Variants in EBF1 observed in about 807,000 individuals in gnomAD.
EBF1 encodes EBF transcription factor 1, also known as transcription factor COE1.
In EBF1, 10 loss-of-function variants were observed where a neutral mutation model predicts 68.4. That is an observed-to-expected ratio of 0.15 (90% CI 0.09 to 0.25). EBF1 has a LOEUF of 0.25. EBF1 is among the 10% of genes least tolerant of loss of function. The probability of loss-of-function intolerance (pLI) is 1.00; values close to 1 mark genes in which losing one functional copy is unlikely to be tolerated. For synonymous variants in EBF1, 298 were observed against 299.8 expected, an observed-to-expected ratio of 0.99 and a Z score of 0.06; for missense variants, 509 against 794.4, an observed-to-expected ratio of 0.64 and a Z score of 4.32.
rs151082732 is a variant in EBF1, at chr5:158,991,312, C to T, written c.554+82084G>A. Among the ~76,000 whole-genome samples, 558 of 152,022 alleles carry T rather than the reference C, an allele frequency of 3.7e-3. 1 individual carries two copies. The highest frequency in any genetic ancestry group is 4.6e-3 in the Non-Finnish European group (314 of 67,902). On this transcript the variant is annotated intron_variant, in intron 6 of 15. Transcript: ENST00000313708. ...CCATTGTTTCATGAATTTCAGACTG[C>T]AATATTTTTCATATTCATTCTAGCA... is the stretch of plus-strand genomic sequence containing the variant.
At chr5:158,812,716 C>T (rs1782917055) in intron 8 of EBF1, among the ~76,000 whole-genome samples, 2 of 152,120 alleles carry the variant, frequency 1.3e-5, no homozygotes, top group Admixed American at 1.3e-4. Flanking sequence ...CCCTTGACAA[C>T]ACAATGTCAG....
Position 158,731,131 on chromosome 5 carries a change from C to T in EBF1, c.1063G>A (p.Gly355Ser). The T allele has an allele frequency of 6.2e-7, 1 of 1,614,050 alleles. No individual in the cohort carries two copies. The highest frequency in any genetic ancestry group is 8.5e-7 in the Non-Finnish European group (1 of 1,179,948). Residue 355 changes from glycine to serine, a missense_variant, in exon 11 of 16, where the codon GGT (glycine) becomes AGT (serine). This residue lies in a region of EBF1 where 230 missense variants were observed against 467.7 expected (regional missense o/e 0.49). Coordinates refer to ENST00000313708, the MANE Select transcript of EBF1 (RefSeq NM_024007.5). ...TALNEPTIDYGFQRLQKVIPR... is the reference protein window; with the variant it reads ...TALNEPTIDYSFQRLQKVIPR... Reference sequence around the variant, plus strand: ...ATGACCTTCTGTAACCTCTGGAAACCATAATCGATGGTGGGTTCGTTGAGC... The same window carrying T: ...ATGACCTTCTGTAACCTCTGGAAACTATAATCGATGGTGGGTTCGTTGAGC...
chr5:158,888,269 T>C (rs1425074473), intron 6 of EBF1, among the ~76,000 whole-genome samples: 10 of 151,424 alleles, frequency 6.6e-5, no homozygotes, highest in Non-Finnish European at 1.5e-4. Context: ...TGTGTGTGTG[T>C]GCGTGCGTGT....
intron 6 of EBF1, among the ~76,000 whole-genome samples, chr5:159,017,792 T>C (rs1765904031): frequency 6.6e-6 from 1 of 152,186 alleles, no homozygotes; most frequent in Non-Finnish European, 1.5e-5. Flanking sequence ...GCTATTTACT[T>C]TGTTTTTCAA....
intron 6 of EBF1, among the ~76,000 whole-genome samples, chr5:159,073,194 G>A (rs1778138569): frequency 2.0e-5 from 3 of 152,128 alleles, no homozygotes; most frequent in South Asian, 4.1e-4. Flanking sequence ...GACAAAAACC[G>A]GAGCAATCCA....
At chr5:158,865,207 A>G (rs1359935873) in intron 6 of EBF1, among the ~76,000 whole-genome samples, 1 of 152,132 alleles carries the variant, frequency 6.6e-6, no homozygotes, top group Non-Finnish European at 1.5e-5. Context: ...ACCCTTTTCC[A>G]AATACTCTCT....
At chr5:158,757,485 G>A (rs187920870) in intron 10 of EBF1, among the ~76,000 whole-genome samples, 41 of 152,278 alleles carry the variant, frequency 2.7e-4, no homozygotes, top group African/African-American at 8.4e-4. Flanking sequence ...CATTATGTAC[G>A]TGGTATCTCC....
At chr5:159,095,738 A>G in intron 3 of EBF1, 63 bp from the exon 4 acceptor site, 2 of 1,547,626 alleles carry the variant, frequency 1.3e-6, no homozygotes, top group Non-Finnish European at 1.8e-6. Flanking sequence ...GTGGGTGGAC[A>G]ATAATTAACA....
At chr5:158,924,097 T>C (rs955843435) in intron 6 of EBF1, among the ~76,000 whole-genome samples, 9 of 152,222 alleles carry the variant, frequency 5.9e-5, no homozygotes, top group Admixed American at 5.2e-4. Flanking sequence ...TCTAACTTTT[T>C]ATCCCCTAGC....
intron 7 of EBF1, among the ~76,000 whole-genome samples, chr5:158,824,136 A>T (rs1188850598): frequency 6.6e-6 from 1 of 152,240 alleles, no homozygotes; most frequent in Non-Finnish European, 1.5e-5. Context: ...TGAAACCCAC[A>T]GAGATATGTT....
intron 6 of EBF1, among the ~76,000 whole-genome samples, chr5:158,931,570 CTTAAT>C (rs748397531): frequency 6.6e-6 from 1 of 152,156 alleles, no homozygotes; most frequent in Non-Finnish European, 1.5e-5. Context: ...CAAACTTTGA[CTTAAT>C]TTGTCATTTT....
At chr5:158,930,898 A>C (rs575397568) in intron 6 of EBF1, among the ~76,000 whole-genome samples, 107 of 151,942 alleles carry the variant, frequency 7.0e-4, no homozygotes, top group African/African-American at 2.4e-3. Context: ...AAAAAAAAAA[A>C]CACATTTTCA....
chr5:158,762,392 C>T (rs1046578555), intron 10 of EBF1, among the ~76,000 whole-genome samples: 5 of 152,192 alleles, frequency 3.3e-5, no homozygotes, highest in African/African-American at 1.2e-4. Flanking sequence ...CAATGGACAA[C>T]TGGCCCTTTT....
In EBF1 at chr5:159,014,240, T is replaced by C. The variant is rs545667664; in HGVS notation, c.554+59156A>G. Among the ~76,000 whole-genome samples the C allele has an allele frequency of 3.9e-5, 6 of 152,316 alleles. No homozygotes were observed. The East Asian group carries it at 1.2e-3, about 29-fold the overall frequency. Reference sequence around the variant, plus strand: ...CTAAAGTTACATGGCAGGCAGAAGATTCCAAAGTATTATTTAATAGTGAAA... The same window carrying C: ...CTAAAGTTACATGGCAGGCAGAAGACTCCAAAGTATTATTTAATAGTGAAA... On this transcript the variant is annotated intron_variant, in intron 6 of 15. Transcript: ENST00000313708.
At chr5:159,059,215 A>G (rs781281906) in intron 6 of EBF1, among the ~76,000 whole-genome samples, 3 of 152,202 alleles carry the variant, frequency 2.0e-5, no homozygotes, top group Non-Finnish European at 2.9e-5. Context: ...AAACAGACAT[A>G]TAATATAACA....
chr5:159,038,691 G>T (rs529806858), intron 6 of EBF1, among the ~76,000 whole-genome samples: 24 of 152,076 alleles, frequency 1.6e-4, no homozygotes, highest in Non-Finnish European at 2.5e-4. Flanking sequence ...TAATATTTGC[G>T]CTGTTTTGGG....
chr5:158,754,678 G>A (rs1188314978), intron 10 of EBF1, among the ~76,000 whole-genome samples: 3 of 151,968 alleles, frequency 2.0e-5, no homozygotes, highest in Admixed American at 6.6e-5. Flanking sequence ...ATATCAGATT[G>A]GATTTTTTTC....
chr5:158,857,704 A>G (rs1794302792), intron 6 of EBF1, among the ~76,000 whole-genome samples: 1 of 152,110 alleles, frequency 6.6e-6, no homozygotes, highest in Non-Finnish European at 1.5e-5. Context: ...GGAGACGGGG[A>G]AAAAATCCAT....
intron 10 of EBF1, among the ~76,000 whole-genome samples, chr5:158,760,242 T>G (rs1771109560): frequency 6.6e-6 from 1 of 152,188 alleles, no homozygotes. Context: ...GTCCAAAAAT[T>G]GTCTTAAAAT....
Sources: allele counts gnomAD v4.1 joint callset (sites outside exome capture counted in the v4.1 genomes callset), GRCh38; gene constraint gnomAD v4.1.1; regional missense constraint gnomAD v4.1.1; transcripts MANE v1.5; gene names NCBI Gene and HGNC (gene_info 2026-07-23, HGNC 2026-07-21).